Variants in TBC1D22A observed in about 807,000 individuals in gnomAD.
TBC1D22A encodes the protein putative GTPase activator.
Under a neutral mutation model 60.2 loss-of-function variants are expected in TBC1D22A, and 38 were observed. The ratio of observed to expected loss-of-function variants is 0.63; its 90% CI spans 0.49 to 0.83. The LOEUF (loss-of-function observed/expected upper bound fraction) is 0.83, where lower values mean the gene tolerates loss of function less well. TBC1D22A is among the 40% of genes least tolerant of loss of function. The pLI is 0.00. For synonymous variants in TBC1D22A, 302 were observed against 281.7 expected, an observed-to-expected ratio of 1.07 and a Z score of -0.72; for missense variants, 628 against 701.0, an observed-to-expected ratio of 0.90 and a Z score of 1.18.
In TBC1D22A at chr22:47,109,059, G is replaced by A. The variant is rs144560267; in HGVS notation, c.1330-2449G>A. Reference sequence around the variant, plus strand: ...GGAGAGCTGTTTAAGATACATTACCGAACAAAAACTGATAGGTAGTTTTAG... The same window carrying A: ...GGAGAGCTGTTTAAGATACATTACCAAACAAAAACTGATAGGTAGTTTTAG... On this transcript the variant is annotated intron_variant, in intron 11 of 12. Transcript: ENST00000337137. Among the ~76,000 whole-genome samples, 33 of 152,246 alleles carry A rather than the reference G, an allele frequency of 2.2e-4. No individual in the cohort carries two copies. In the East Asian group the frequency reaches 6.0e-3, roughly 28 times the overall value.
intron 12 of TBC1D22A, among the ~76,000 whole-genome samples, chr22:47,157,379 G>A (rs1163699985): frequency 6.6e-6 from 1 of 152,214 alleles, no homozygotes; most frequent in South Asian, 2.1e-4. Flanking sequence ...CTCTGACACC[G>A]CACACGTTAT....
chr22:46,987,326 A>G (rs1226164510), intron 9 of TBC1D22A, among the ~76,000 whole-genome samples: 2 of 152,016 alleles, frequency 1.3e-5, no homozygotes, highest in Non-Finnish European at 1.5e-5. Context: ...AAAATACCCT[A>G]CTTGTATCTA....
intron 7 of TBC1D22A, among the ~76,000 whole-genome samples, chr22:46,901,780 G>A (rs144506115): frequency 5.6e-4 from 85 of 152,252 alleles, no homozygotes; most frequent in African/African-American, 2.0e-3. Context: ...CTGACGCTAC[G>A]ATGCTTCTGG....
chr22:47,110,471 T>C (rs1028578210), intron 11 of TBC1D22A, among the ~76,000 whole-genome samples: 2 of 152,120 alleles, frequency 1.3e-5, no homozygotes. Context: ...AGAGCGAAAT[T>C]CCATCTCAAT....
In TBC1D22A at chr22:46,904,142, T is replaced by TCTATCTACCTACCTACCTAC. The variant is rs57116517; in HGVS notation, c.901-7929_901-7928insTCTACCTACCTACCTACCTA. ...ATCTATCTATCTATCTATCTATCTA[T>TCTATCTACCTACCTACCTAC]CTACCTACCTACCTACCTACCTACC... On this transcript the variant is annotated intron_variant, in intron 7 of 12. Coordinates refer to ENST00000337137, the MANE Select transcript of TBC1D22A (RefSeq NM_014346.5). Among the ~76,000 whole-genome samples, 24 of 134,574 alleles carry TCTATCTACCTACCTACCTAC rather than the reference T, an allele frequency of 1.8e-4. 1 individual carries two copies. The highest frequency in any genetic ancestry group is 1.0e-3 in the Admixed American group (14 of 13,476). 88.3% of individuals were successfully genotyped at this position (134,574 alleles called of 152,430 possible). A position where few individuals can be genotyped will look rare whatever the true frequency, so the allele number is the denominator to read the frequency against.
At chr22:46,898,556 C>A (rs1004214961) in intron 7 of TBC1D22A, among the ~76,000 whole-genome samples, 3 of 151,786 alleles carry the variant, frequency 2.0e-5, no homozygotes, top group South Asian at 2.1e-4. Context: ...CCTAAAACGA[C>A]ATAGACAAAT....
chr22:46,972,067 G>T (rs572113312), intron 8 of TBC1D22A, among the ~76,000 whole-genome samples: 1 of 152,306 alleles, frequency 6.6e-6, no homozygotes, highest in South Asian at 2.1e-4. Flanking sequence ...TCGAGGAATG[G>T]GGAACTGGGA....
intron 12 of TBC1D22A, among the ~76,000 whole-genome samples, chr22:47,127,217 TTTTC>T (rs2066488975): frequency 6.9e-6 from 1 of 144,064 alleles, no homozygotes; most frequent in African/African-American, 2.5e-5. Flanking sequence ...TTATCTTTTT[TTTTC>T]TTTTTCTCTT....
intron 10 of TBC1D22A, among the ~76,000 whole-genome samples, chr22:47,034,227 T>A (rs2062581842): frequency 6.6e-6 from 1 of 152,150 alleles, no homozygotes; most frequent in Non-Finnish European, 1.5e-5. Context: ...ACTGCAGCCC[T>A]CCCCTCCCTC....
chr22:46,998,212 T>C (rs2075184329), intron 10 of TBC1D22A, among the ~76,000 whole-genome samples: 1 of 152,190 alleles, frequency 6.6e-6, no homozygotes, highest in Non-Finnish European at 1.5e-5. Flanking sequence ...GAAATACTTT[T>C]TGCCTTCATC....
chr22:47,085,514 A>T (rs2064646039), intron 11 of TBC1D22A, among the ~76,000 whole-genome samples: 1 of 152,198 alleles, frequency 6.6e-6, no homozygotes, highest in Non-Finnish European at 1.5e-5. Context: ...TAGAAGTAAA[A>T]TGCTGGGCAG....
chr22:47,138,831 C>A (rs960056172), intron 12 of TBC1D22A, among the ~76,000 whole-genome samples: 7 of 152,198 alleles, frequency 4.6e-5, no homozygotes, highest in African/African-American at 1.7e-4. Flanking sequence ...TGTCCTCACA[C>A]GGTGGAACAG....
intron 8 of TBC1D22A, among the ~76,000 whole-genome samples, chr22:46,912,533 AGTCT>A (rs60462275): frequency 5.3e-5 from 8 of 151,950 alleles, no homozygotes; most frequent in Non-Finnish European, 7.4e-5. Context: ...TCAGTCAATC[AGTCT>A]GTCTGTCTGT....
rs573597318 is a variant in TBC1D22A at position 47,009,787 on chromosome 22, T to A, written c.1201+12078T>A. 1.5e-4 allele frequency among the ~76,000 whole-genome samples: 23 copies of A among 152,340 alleles called. No individual in the cohort carries two copies. The South Asian group carries it at 4.6e-3, about 30-fold the overall frequency. On this transcript the variant is annotated intron_variant, in intron 10 of 12. Coordinates refer to ENST00000337137, the MANE Select transcript of TBC1D22A (RefSeq NM_014346.5). This position sits in a 1 kb window ranked among gnomAD's most constrained non-coding sequence, Gnocchi z 5.8. ...CAGCAGGATGGGTCCATGGTGGGGC[T>A]GAGTGTTGGAAGTTTAGTCTGAAGG...
chr22:46,993,771 CT>C (rs199873945), intron 9 of TBC1D22A, among the ~76,000 whole-genome samples: 2,038 of 152,340 alleles, frequency 0.013, 21 homozygotes, highest in Middle Eastern at 0.034. Flanking sequence ...CCCTCCTTTC[CT>C]CAGCCACCTG....
At chr22:46,982,165 G>C in intron 9 of TBC1D22A, among the ~76,000 whole-genome samples, 1 of 152,070 alleles carries the variant, frequency 6.6e-6, no homozygotes, top group Non-Finnish European at 1.5e-5. Flanking sequence ...CCAGGTACTT[G>C]GGCCTGATCA....
intron 9 of TBC1D22A, among the ~76,000 whole-genome samples, chr22:46,980,601 G>C (rs1367140004): frequency 6.6e-6 from 1 of 152,212 alleles, no homozygotes; most frequent in Non-Finnish European, 1.5e-5. Flanking sequence ...TGAATGTAGT[G>C]CTGAGAAAAT....
intron 12 of TBC1D22A, among the ~76,000 whole-genome samples, chr22:47,132,839 C>T (rs1484703618): frequency 6.6e-6 from 1 of 152,216 alleles, no homozygotes; most frequent in Non-Finnish European, 1.5e-5. Flanking sequence ...CGCGGAAACG[C>T]CATGTGATCT....
At chr22:46,773,557 C>T (rs1569010963) in intron 1 of TBC1D22A, among the ~76,000 whole-genome samples, 1 of 152,124 alleles carries the variant, frequency 6.6e-6, no homozygotes, top group South Asian at 2.1e-4. Flanking sequence ...CTCTGCCTCC[C>T]GGGTTCAAGC....
Sources: allele counts gnomAD v4.1 joint callset (sites outside exome capture counted in the v4.1 genomes callset), GRCh38; gene constraint gnomAD v4.1.1; non-coding constraint Gnocchi (gnomAD v3.1); transcripts MANE v1.5; gene names NCBI Gene and HGNC (gene_info 2026-07-23, HGNC 2026-07-21).